SCFD1: variants seen among roughly 807,000 people sequenced by gnomAD.
SCFD1 encodes sec1 family domain-containing protein 1.
SCFD1 carries 37 observed loss-of-function variants against 103.2 expected under a neutral mutation model. The observed-to-expected ratio is 0.36, with a 90% CI of 0.28 to 0.47. SCFD1 has a LOEUF of 0.47. Ranked by LOEUF, SCFD1 falls within the 20% of genes least tolerant of loss-of-function variation. The probability of loss-of-function intolerance (pLI) is 1.00; values close to 1 mark genes in which losing one functional copy is unlikely to be tolerated. For missense variants in SCFD1, 639 were observed against 761.2 expected, an observed-to-expected ratio of 0.84 and a Z score of 1.89; for synonymous variants, 264 against 245.0, an observed-to-expected ratio of 1.08 and a Z score of -0.73.
chr14:30,625,902 A>G (rs895000807), intron 1 of SCFD1, among the ~76,000 whole-genome samples: 1 of 152,046 alleles, frequency 6.6e-6, no homozygotes, highest in African/African-American at 2.4e-5. Context: ...TGTGCAGCAT[A>G]CTAAACACCT....
chr14:30,696,699 A>G (rs1890725131), intron 15 of SCFD1, among the ~76,000 whole-genome samples: 3 of 152,142 alleles, frequency 2.0e-5, no homozygotes, highest in Admixed American at 2.0e-4. Context: ...TAACAGATTG[A>G]GGAGGGTGAC....
intron 11 of SCFD1, 38 bp downstream of exon 11, chr14:30,670,433 T>A: frequency 7.0e-7 from 1 of 1,430,794 alleles, no homozygotes; most frequent in Non-Finnish European, 9.4e-7. Flanking sequence ...TTCATTTTTT[T>A]AAAGAGAAAT....
chr14:30,730,591 C>T (rs918137643), intron 23 of SCFD1, among the ~76,000 whole-genome samples: 1 of 152,202 alleles, frequency 6.6e-6, no homozygotes, highest in Non-Finnish European at 1.5e-5. Context: ...TTTTGATTTG[C>T]ATTTCTCTGA....
chr14:30,734,595 T>TA, intron 23 of SCFD1, 195 bp from the exon 24 acceptor site: 1 of 541,290 alleles, frequency 1.8e-6, no homozygotes, highest in Non-Finnish European at 3.3e-6. Context: ...GGGACAAAAA[T>TA]ACTATGCTCA....
chr14:30,670,011 C>A, intron 10 of SCFD1: 1 of 334,188 alleles, frequency 3.0e-6, no homozygotes. Context: ...CAATGTTTTT[C>A]TAGAAGGATA....
chr14:30,638,132 G>T lies in SCFD1; in HGVS notation c.320G>T (p.Arg107Leu). 9 of 1,601,944 alleles carry T rather than the reference G, an allele frequency of 5.6e-6. No individual in the cohort carries two copies. Among genetic ancestry groups the T allele is most frequent in the South Asian group, 1.1e-5 (1 of 88,982 alleles). The change falls in exon 5 of 25, where the codon CGA (arginine) becomes CTA (leucine). Residue 107 changes from arginine to leucine, a missense_variant. By Grantham distance (102) the Arg-to-Leu change is moderately radical (BLOSUM62 -2). Transcript: ENST00000458591. The stretch of plus-strand genomic sequence containing the variant: ...TTTTCATTGTATTGATAGGATCTTC[G>T]AAATCAACTATATGAATCATATTAT... ...ENIDRMCQDL[R>L]NQLYESYYLN...
chr14:30,634,809 T>C, intron 4 of SCFD1: 1 of 456,046 alleles, frequency 2.2e-6, no homozygotes, highest in Non-Finnish European at 4.4e-6. Context: ...CAAATCTATG[T>C]TCACATCAAC....
chr14:30,692,125 CT>C (rs1890356682), intron 14 of SCFD1, among the ~76,000 whole-genome samples: 1 of 151,932 alleles, frequency 6.6e-6, no homozygotes, highest in Admixed American at 6.6e-5. Flanking sequence ...ATACTAGATT[CT>C]TTACGTTTTC....
At chr14:30,673,589 T>C (rs987940623) in intron 12 of SCFD1, among the ~76,000 whole-genome samples, 1 of 152,218 alleles carries the variant, frequency 6.6e-6, no homozygotes, top group African/African-American at 2.4e-5. Context: ...CCAATGCTGC[T>C]CATTCTACCA....
chr14:30,674,060 T>TAAAA, intron 13 of SCFD1, 63 bp downstream of exon 13: 1 of 1,170,172 alleles, frequency 8.5e-7, no homozygotes, highest in Non-Finnish European at 1.2e-6. Context: ...TTTATTTAAC[T>TAAAA]AAAAAATTGT....
chr14:30,712,849 C>CA (rs1251450877), intron 19 of SCFD1, among the ~76,000 whole-genome samples: 1 of 152,042 alleles, frequency 6.6e-6, no homozygotes, highest in Non-Finnish European at 1.5e-5. Flanking sequence ...TTTCTAAGAA[C>CA]AAAAAATATG....
At chr14:30,673,568 A>G (rs1429413918) in intron 12 of SCFD1, among the ~76,000 whole-genome samples, 2 of 152,192 alleles carry the variant, frequency 1.3e-5, no homozygotes, top group African/African-American at 4.8e-5. Context: ...ATCATTTTAG[A>G]GATGTATGTT....
At chr14:30,707,802 TAAATA>T in intron 18 of SCFD1, 183 bp from the exon 19 acceptor site, 1 of 661,508 alleles carries the variant, frequency 1.5e-6, no homozygotes, top group Non-Finnish European at 2.8e-6. Context: ...ATTTTATTGT[TAAATA>T]AAATTGCAGC....
At chr14:30,659,509 A>G (rs1887240568) in intron 10 of SCFD1, among the ~76,000 whole-genome samples, 1 of 152,196 alleles carries the variant, frequency 6.6e-6, no homozygotes, top group South Asian at 2.1e-4. Context: ...TTAGAGATTG[A>G]ATGAATTGCT....
chr14:30,639,674 A>T (rs963276025), intron 5 of SCFD1, 103 bp from the exon 6 acceptor site: 14 of 1,209,544 alleles, frequency 1.2e-5, no homozygotes, highest in Non-Finnish European at 1.5e-5. Flanking sequence ...TGTAATTAGG[A>T]TTTTTTTTCA....
intron 11 of SCFD1, among the ~76,000 whole-genome samples, chr14:30,671,101 G>A (rs1257993674): frequency 1.3e-5 from 2 of 152,072 alleles, no homozygotes; most frequent in African/African-American, 4.8e-5. Flanking sequence ...ATGTGTGTGT[G>A]TCCTTGATAT....
chr14:30,661,399 A>T (rs897377963), intron 10 of SCFD1, among the ~76,000 whole-genome samples: 2 of 152,178 alleles, frequency 1.3e-5, no homozygotes, highest in Admixed American at 1.3e-4. Context: ...TTGTTTCTTC[A>T]GCCACTCAGG....
intron 1 of SCFD1, among the ~76,000 whole-genome samples, chr14:30,626,296 A>G (rs1031975444): frequency 2.3e-4 from 35 of 152,244 alleles, no homozygotes; most frequent in African/African-American, 6.5e-4. Context: ...ACCAAAAATT[A>G]TGTCTGTAGG....
At chr14:30,717,175 G>A (rs1171869553) in intron 20 of SCFD1, among the ~76,000 whole-genome samples, 1 of 152,086 alleles carries the variant, frequency 6.6e-6, no homozygotes, top group Non-Finnish European at 1.5e-5. Flanking sequence ...TACACAGGGG[G>A]TTAAGAAATT....
Sources: gnomAD v4.1 joint callset for allele counts (sites outside exome capture counted in the v4.1 genomes callset) on GRCh38, gnomAD v4.1.1 for gene constraint, MANE v1.5 for transcripts, NCBI Gene and HGNC (gene_info 2026-07-23, HGNC 2026-07-21) for gene names.